KIAA0319: variants seen among roughly 807,000 people sequenced by gnomAD.
KIAA0319 encodes KIAA0319.
In KIAA0319, 83 loss-of-function variants were observed where a neutral mutation model predicts 108.4. The ratio of observed to expected loss-of-function variants is 0.77; its 90% CI spans 0.64 to 0.92. The LOEUF (loss-of-function observed/expected upper bound fraction) is 0.92. KIAA0319 is among the 40% of genes least tolerant of loss of function. The probability of loss-of-function intolerance (pLI) is 0.00; values close to 1 mark genes in which losing one functional copy is unlikely to be tolerated. For synonymous variants in KIAA0319, 484 were observed against 510.4 expected (o/e 0.95, Z 0.70); for missense variants, 1,195 against 1,322.4 (o/e 0.90, Z 1.49).
At chr6:24,565,767 A>AG in intron 14 of KIAA0319, among the ~76,000 whole-genome samples, 1 of 151,858 alleles carries the variant, frequency 6.6e-6, no homozygotes, top group East Asian at 1.9e-4. Context: ...AAAAAAAAAA[A>AG]AAAAAAAGAA....
intron 17 of KIAA0319, among the ~76,000 whole-genome samples, chr6:24,556,942 G>A (rs1382615774): frequency 2.6e-5 from 4 of 152,112 alleles, no homozygotes; most frequent in South Asian, 2.1e-4. Context: ...TCCACACCAC[G>A]CAGCAAAAGC....
intron 1 of KIAA0319, among the ~76,000 whole-genome samples, chr6:24,632,988 C>CT (rs1343100438): frequency 1.3e-5 from 2 of 152,130 alleles, no homozygotes; most frequent in Non-Finnish European, 2.9e-5. Context: ...CTGTGGGGCT[C>CT]TAAAGGGAGG....
At chr6:24,581,587 A>G (rs990154748) in intron 6 of KIAA0319, among the ~76,000 whole-genome samples, 1 of 152,136 alleles carries the variant, frequency 6.6e-6, no homozygotes, top group Admixed American at 6.5e-5. Flanking sequence ...CTGGAATGGA[A>G]TTATTGGCAA....
At chr6:24,618,316 T>G (rs1446298555) in intron 1 of KIAA0319, among the ~76,000 whole-genome samples, 1 of 151,638 alleles carries the variant, frequency 6.6e-6, no homozygotes. Context: ...AACGTACAAT[T>G]CAAAATTACA....
intron 17 of KIAA0319, 43 bp downstream of exon 17, chr6:24,558,970 T>C: frequency 6.4e-7 from 1 of 1,555,378 alleles, no homozygotes; most frequent in Non-Finnish European, 8.7e-7. Flanking sequence ...TTATCCATGA[T>C]TGGCAAGTCT....
rs1561908392 is a variant in KIAA0319 at position 24,551,448 on chromosome 6, A to G, written c.3026T>C (p.Leu1009Pro). The G allele has an allele frequency of 1.2e-6, 2 of 1,610,168 alleles. No individual in the cohort carries two copies. The highest frequency in any genetic ancestry group is 4.5e-5 in the East Asian group (2 of 44,884). ...GACTGTCTTACCATATTTGGGCCTC[A>G]GTTCCATTCTTTCCTGTTCATCCAT... is the stretch of plus-strand genomic sequence containing the variant. ...DNMDEQERME[L>P]RPKYGIKHRS... The change falls in exon 20 of 21, where the codon CTG becomes CCG. Residue 1009 changes from leucine to proline, a missense_variant. Physicochemically the swap from Leu to Pro is moderately conservative, Grantham distance 98. Transcript: ENST00000378214.
At chr6:24,554,139 G>A (rs1183959471) in intron 19 of KIAA0319, among the ~76,000 whole-genome samples, 2 of 152,158 alleles carry the variant, frequency 1.3e-5, no homozygotes, top group East Asian at 3.9e-4. Context: ...GGTAGACAGC[G>A]GCAAAAGTGA....
At chr6:24,598,109 T>A in intron 2 of KIAA0319, 1 of 438,756 alleles carries the variant, frequency 2.3e-6, no homozygotes, top group Non-Finnish European at 4.4e-6. Context: ...GGTGCCAGCA[T>A]CAGCTCCTTG....
intron 5 of KIAA0319, among the ~76,000 whole-genome samples, chr6:24,582,606 T>A (rs559759914): frequency 4.9e-4 from 74 of 151,782 alleles, no homozygotes; most frequent in African/African-American, 1.7e-3. Context: ...TAACATTTCT[T>A]TTTTTGTTAT....
rs930717042 is a variant in KIAA0319 at position 24,581,193 on chromosome 6, A to G, written c.1192-180T>C. 4.6e-5 allele frequency among the ~76,000 whole-genome samples: 7 copies of G among 152,206 alleles called. No homozygotes were observed. In the South Asian group the frequency reaches 1.4e-3, roughly 31 times the overall value. ...CGCATGTTTGAAGCCTGAATTCTGG[A>G]GCACTAAAGATCACCTAGACAGGCC... On this transcript the variant is annotated intron_variant, in intron 6 of 20. Transcript: ENST00000378214.
In KIAA0319 at chr6:24,569,934, C is replaced by T. The variant is rs1454966517; in HGVS notation, c.1960G>A (p.Gly654Ser). ...LDGSSSSDDH[G>S]IVFYHWEHVR... ...TGCTCCCAGTGGTAGAAGACAATGC[C>T]GTGGTCATCGCTGCTGCTGCTCCCA... The change falls in exon 12 of 21, where the codon GGC (glycine) becomes AGC (serine). Residue 654 changes from glycine (G) to serine (S), a missense_variant. Physicochemically the swap from Gly to Ser is moderately conservative, Grantham distance 56. Transcript: ENST00000378214. The T allele has an allele frequency of 5.6e-6, 9 of 1,614,014 alleles. No homozygotes were observed. Among genetic ancestry groups the T allele is most frequent in the Non-Finnish European group, 6.8e-6 (8 of 1,179,996 alleles).
chr6:24,548,430 T>G (rs1339768214), intron 20 of KIAA0319, among the ~76,000 whole-genome samples: 1 of 152,130 alleles, frequency 6.6e-6, no homozygotes, highest in Non-Finnish European at 1.5e-5. Context: ...GACACGAACT[T>G]CCTGTGGCTC....
intron 8 of KIAA0319, among the ~76,000 whole-genome samples, chr6:24,579,412 G>GATATATATATATATATATATATATATAT (rs3840133): frequency 4.4e-4 from 56 of 127,220 alleles, no homozygotes; most frequent in African/African-American, 1.6e-3. Flanking sequence ...TCTATATAAA[G>GATATATATATATATATATATATATATAT]ATATATATAT....
downstream of KIAA0319, among the ~76,000 whole-genome samples, chr6:24,541,164 TG>T (rs1760181200): frequency 6.6e-6 from 1 of 152,218 alleles, no homozygotes; most frequent in Non-Finnish European, 1.5e-5. Flanking sequence ...GATACATAAT[TG>T]AATAAGTGAA....
chr6:24,595,567 A>AAAAC (rs1562023702), intron 3 of KIAA0319, among the ~76,000 whole-genome samples: 7 of 151,202 alleles, frequency 4.6e-5, no homozygotes, highest in African/African-American at 1.5e-4. Flanking sequence ...AAAAAAAAAA[A>AAAAC]AAACGCTACA....
At chr6:24,634,209 T>C (rs1775922434) in intron 1 of KIAA0319, among the ~76,000 whole-genome samples, 1 of 152,228 alleles carries the variant, frequency 6.6e-6, no homozygotes, top group South Asian at 2.1e-4. Context: ...ACAGAACTTC[T>C]ACCAGCCTGG....
chr6:24,578,460 G>A (rs1253014180), intron 8 of KIAA0319, among the ~76,000 whole-genome samples: 1 of 152,174 alleles, frequency 6.6e-6, no homozygotes, highest in African/African-American at 2.4e-5. Flanking sequence ...GAATGAGGCT[G>A]TTCCCACTCA....
chr6:24,548,849 C>G (rs1761015046), intron 20 of KIAA0319, among the ~76,000 whole-genome samples: 1 of 152,164 alleles, frequency 6.6e-6, no homozygotes, highest in South Asian at 2.1e-4. Context: ...AAATGTTGTT[C>G]TGAGACATTA....
Position 24,556,694 on chromosome 6 carries a change from C to T in KIAA0319, c.2770G>A (p.Asp924Asn), listed in dbSNP as rs199538325. 8.1e-5 allele frequency: 130 copies of T among 1,613,804 alleles called. No individual in the cohort carries two copies. The highest frequency in any genetic ancestry group is 1.0e-4 in the Non-Finnish European group (123 of 1,179,962). The change falls in exon 18 of 21, where the codon GAC becomes AAC. Residue 924 changes from aspartate (D) to asparagine (N), a missense_variant. Asp to Asn is a conservative substitution (Grantham distance 23, BLOSUM62 1). Coordinates refer to ENST00000378214, the MANE Select transcript of KIAA0319 (RefSeq NM_014809.4). ...CAAATGCAGCGCTTTGTGAGGGGGT[C>T]GCAGTGACCATGGCCAGAACACTTC... ...LLKCSGHGHC[D>N]PLTKRCICSH...
Sources: gnomAD v4.1 joint callset for allele counts (sites outside exome capture counted in the v4.1 genomes callset) on GRCh38, gnomAD v4.1.1 for gene constraint, MANE v1.5 for transcripts, NCBI Gene and HGNC (gene_info 2026-07-23, HGNC 2026-07-21) for gene names.